The following WWOX variants were observed in gnomAD, a reference collection of about 807,000 sequenced individuals.
WWOX encodes WW domain-containing oxidoreductase.
WWOX carries 69 observed loss-of-function variants against 46.2 expected under a neutral mutation model. The observed-to-expected ratio is 1.49, with a 90% CI of 1.23 to 1.82. WWOX has a LOEUF of 1.82. Ranked by LOEUF, WWOX falls within the 40% of genes most tolerant of loss-of-function variation. The probability of loss-of-function intolerance (pLI) is 0.00; values close to 1 mark genes in which losing one functional copy is unlikely to be tolerated. For missense variants in WWOX, 919 were observed against 542.6 expected, an observed-to-expected ratio of 1.69 and a Z score of -6.89; for synonymous variants, 359 against 202.6, an observed-to-expected ratio of 1.77 and a Z score of -6.56.
At chr16:78,735,125 G>A (rs773459886) in intron 8 of WWOX, among the ~76,000 whole-genome samples, 3 of 151,412 alleles carry the variant, frequency 2.0e-5, no homozygotes, top group Non-Finnish European at 2.9e-5. Context: ...CCTTGACGTC[G>A]CAAAGTGCTG....
intron 8 of WWOX, among the ~76,000 whole-genome samples, chr16:78,572,646 T>C (rs2044746587): frequency 7.4e-6 from 1 of 135,576 alleles, no homozygotes; most frequent in South Asian, 2.4e-4. Flanking sequence ...TAGGAGAATA[T>C]ATACAGTATG....
Position 78,770,666 on chromosome 16 carries a change from C to G in WWOX, c.1056+337914C>G, listed in dbSNP as rs111790836. Among the ~76,000 whole-genome samples the G allele has an allele frequency of 1.4e-3, 215 of 151,536 alleles. 1 individual carries two copies. Among genetic ancestry groups the G allele is most frequent in the African/African-American group, 5.1e-3 (213 of 41,396 alleles). ...GCCGGGAAACTCCCGCCCCCTCCCCCCCTCCCCGAAGTGAACCGCCCACAG... is the reference window on the plus strand; with the variant it reads ...GCCGGGAAACTCCCGCCCCCTCCCCGCCTCCCCGAAGTGAACCGCCCACAG... On this transcript the variant is annotated intron_variant, in intron 8 of 8. Coordinates refer to ENST00000566780, the MANE Select transcript of WWOX (RefSeq NM_016373.4).
At chr16:78,484,856 G>T (rs1225131464) in intron 8 of WWOX, among the ~76,000 whole-genome samples, 1 of 152,176 alleles carries the variant, frequency 6.6e-6, no homozygotes, top group African/African-American at 2.4e-5. Flanking sequence ...AAGTGCCATT[G>T]CATTTGTCTC....
intron 8 of WWOX, among the ~76,000 whole-genome samples, chr16:78,488,584 G>A (rs2084697988): frequency 6.6e-6 from 1 of 152,166 alleles, no homozygotes; most frequent in Admixed American, 6.5e-5. Context: ...TCCTCAGGTA[G>A]CTGACCCGAG....
chr16:78,791,082 C>T (rs187173567), intron 8 of WWOX, among the ~76,000 whole-genome samples: 448 of 150,992 alleles, frequency 3.0e-3, no homozygotes, highest in Non-Finnish European at 5.3e-3. Flanking sequence ...CATCAGAAGC[C>T]TCCACACAGG....
chr16:78,265,951 C>T (rs2079354028), intron 5 of WWOX: 1 of 152,206 alleles, frequency 6.6e-6, no homozygotes, highest in Non-Finnish European at 1.5e-5. Context: ...CCCTATTTTA[C>T]AGATGTGGGA....
At chr16:78,590,998 G>A (rs1340675330) in intron 8 of WWOX, among the ~76,000 whole-genome samples, 1 of 152,142 alleles carries the variant, frequency 6.6e-6, no homozygotes, top group Non-Finnish European at 1.5e-5. Context: ...ACACGTACAA[G>A]GCGCTCAACT....
chr16:78,235,287 T>G (rs993990966), intron 5 of WWOX, among the ~76,000 whole-genome samples: 1 of 152,174 alleles, frequency 6.6e-6, no homozygotes, highest in East Asian at 1.9e-4. Context: ...TTGTTCTGCA[T>G]GTTCTTCTTT....
At chr16:79,169,156 GA>G (rs1356895921) in intron 8 of WWOX, among the ~76,000 whole-genome samples, 1 of 152,146 alleles carries the variant, frequency 6.6e-6, no homozygotes, top group Non-Finnish European at 1.5e-5. Context: ...TAGAGAGGAG[GA>G]AACCAAGACT....
rs375905643 is a variant in WWOX at position 78,314,688 on chromosome 16, G to GTTTTTTTTTT, written c.517-72169_517-72160dup. Among the ~76,000 whole-genome samples the GTTTTTTTTTT allele has an allele frequency of 2.0e-4, 18 of 90,504 alleles. 1 individual carries two copies. The highest frequency in any genetic ancestry group is 4.1e-4 in the East Asian group (1 of 2,448). The allele number at this position is 90,504 out of a possible 152,430, so 59.4% of individuals were successfully genotyped here. On this transcript the variant is annotated intron_variant, in intron 5 of 8. Transcript: ENST00000566780. ...TACAGGCACACCCCACCCTGCAGGG[G>GTTTTTTTTTT]TTTTTTTTTTTTGTTTTTTTTTTTT...
intron 8 of WWOX, among the ~76,000 whole-genome samples, chr16:78,928,981 A>G (rs1318346857): frequency 6.6e-6 from 1 of 152,242 alleles, no homozygotes; most frequent in African/African-American, 2.4e-5. Flanking sequence ...GCATGCATAT[A>G]AATGTACATT....
chr16:78,411,129 G>A (rs574549120), intron 6 of WWOX, among the ~76,000 whole-genome samples: 1 of 152,118 alleles, frequency 6.6e-6, no homozygotes, highest in African/African-American at 2.4e-5. Context: ...TCTATATTCT[G>A]TTAGTTAGAA....
rs149621628 is a variant in WWOX, at chr16:78,671,581, G to C, written c.1056+238829G>C. Among the ~76,000 whole-genome samples the C allele has an allele frequency of 4.6e-3, 706 of 152,146 alleles. 3 individuals carry two copies. The highest frequency in any genetic ancestry group is 6.3e-3 in the Non-Finnish European group (430 of 68,020). ...TTTATGATAACCTCATTAATTGCCGGTACTCTCAGAGCCCTGATTTTCTTA... is the reference window on the plus strand; with the variant it reads ...TTTATGATAACCTCATTAATTGCCGCTACTCTCAGAGCCCTGATTTTCTTA... On this transcript the variant is annotated intron_variant, in intron 8 of 8. Coordinates refer to ENST00000566780, the MANE Select transcript of WWOX (RefSeq NM_016373.4).
chr16:79,094,444 G>T (rs1474632959), intron 8 of WWOX, among the ~76,000 whole-genome samples: 1 of 151,900 alleles, frequency 6.6e-6, no homozygotes, highest in Non-Finnish European at 1.5e-5. Flanking sequence ...TGGAGACTGG[G>T]TTTCACCATG....
chr16:78,435,617 A>G (rs2083318007), intron 8 of WWOX, among the ~76,000 whole-genome samples: 1 of 149,012 alleles, frequency 6.7e-6, no homozygotes, highest in Admixed American at 6.6e-5. Flanking sequence ...ACTCATAGAA[A>G]GGGCACTGGA....
At chr16:78,807,683 G>T (rs1202502311) in intron 8 of WWOX, among the ~76,000 whole-genome samples, 1 of 152,178 alleles carries the variant, frequency 6.6e-6, no homozygotes, top group Non-Finnish European at 1.5e-5. Flanking sequence ...ATGGGCATCA[G>T]CTGATTCTCA....
intron 7 of WWOX, among the ~76,000 whole-genome samples, chr16:78,426,240 G>A (rs2083075148): frequency 6.6e-6 from 1 of 152,186 alleles, no homozygotes; most frequent in Non-Finnish European, 1.5e-5. Context: ...GCCCTGTTAA[G>A]GGGCGAGGGA....
intron 8 of WWOX, among the ~76,000 whole-genome samples, chr16:79,105,740 G>A (rs1021709273): frequency 1.3e-5 from 2 of 150,478 alleles, no homozygotes; most frequent in Admixed American, 6.6e-5. Context: ...TTGGCTCACT[G>A]CAACCTCCAT....
intron 8 of WWOX, chr16:78,898,787 C>G (rs997936247): frequency 2.6e-5 from 4 of 152,098 alleles, no homozygotes; most frequent in African/African-American, 9.7e-5. Flanking sequence ...TATTTATAAA[C>G]ATTTCAGTGA....
Sources: gnomAD v4.1 joint callset for allele counts (sites outside exome capture counted in the v4.1 genomes callset) on GRCh38, gnomAD v4.1.1 for gene constraint, MANE v1.5 for transcripts, NCBI Gene and HGNC (gene_info 2026-07-23, HGNC 2026-07-21) for gene names.